Variants in DENND1A observed in about 807,000 individuals in gnomAD.
DENND1A encodes DENN domain containing 1A, also known as DENN domain-containing protein 1A.
Under a neutral mutation model 113.7 loss-of-function variants are expected in DENND1A, and 51 were observed. The ratio of observed to expected loss-of-function variants is 0.45; its 90% confidence interval spans 0.36 to 0.57. DENND1A has a LOEUF of 0.57. DENND1A is among the 20% of genes least tolerant of loss of function. The pLI, the probability that DENND1A is intolerant of heterozygous loss-of-function variation, is 0.00. For missense variants in DENND1A, 1,258 were observed against 1,395.9 expected, an observed-to-expected ratio of 0.90 and a Z score of 1.57; for synonymous variants, 565 against 570.8, an observed-to-expected ratio of 0.99 and a Z score of 0.14.
rs1299810345 is a variant in DENND1A, at chr9:123,757,807, T to C, written c.198A>G (p.Gln66=). The change falls in exon 5 of 24, where the codon CAA becomes CAG. Residue 66 remains glutamine (Q), a synonymous_variant. Coordinates refer to ENST00000394215, the MANE Select transcript of DENND1A (RefSeq NM_001352964.2). ...PFYVDSLTVS[Q]VGQNFTFVLT... ...GCACGAATGTGAAGTTCTGGCCAACTTGGCTAACTGTGAGGCTGCAGCAAA... is the reference window on the plus strand; with the variant it reads ...GCACGAATGTGAAGTTCTGGCCAACCTGGCTAACTGTGAGGCTGCAGCAAA... The C allele has an allele frequency of 3.1e-6, 5 of 1,613,792 alleles. No individual in the cohort carries two copies. The highest frequency in any genetic ancestry group is 2.7e-5 in the African/African-American group (2 of 74,884).
intron 13 of DENND1A, among the ~76,000 whole-genome samples, chr9:123,479,781 C>T (rs931351899): frequency 1.1e-4 from 16 of 152,362 alleles, no homozygotes; most frequent in South Asian, 2.1e-4. Context: ...AAGGATCAAA[C>T]GAATCTTCCA....
chr9:123,684,395 A>T (rs981328304), intron 5 of DENND1A, among the ~76,000 whole-genome samples: 17 of 152,102 alleles, frequency 1.1e-4, no homozygotes, highest in Non-Finnish European at 2.5e-4. Context: ...TATACTTCTC[A>T]TTCCTTTCCC....
At chr9:123,561,774 C>T (rs2136135670) in intron 12 of DENND1A, among the ~76,000 whole-genome samples, 1 of 152,230 alleles carries the variant, frequency 6.6e-6, no homozygotes, top group South Asian at 2.1e-4. Context: ...GTCTAAGACG[C>T]CCTTTCCCCT....
At chr9:123,560,689 C>CA (rs202038661) in intron 12 of DENND1A, among the ~76,000 whole-genome samples, 43,794 of 110,326 alleles carry the variant, frequency 0.4, 7,154 homozygotes, top group African/African-American at 0.44. Flanking sequence ...GACCCTGTCT[C>CA]AAAAAAAAAA....
At chr9:123,698,284 G>A (rs2065653207) in intron 5 of DENND1A, among the ~76,000 whole-genome samples, 3 of 152,114 alleles carry the variant, frequency 2.0e-5, no homozygotes, top group South Asian at 2.1e-4. Flanking sequence ...TTAGAAAACC[G>A]GAGCTCAAAA....
At chr9:123,539,119 A>G (rs961114834) in intron 13 of DENND1A, among the ~76,000 whole-genome samples, 1 of 152,122 alleles carries the variant, frequency 6.6e-6, no homozygotes, top group Non-Finnish European at 1.5e-5. Context: ...ATAAACAGAT[A>G]TAGATATTAA....
intron 21 of DENND1A, chr9:123,402,424 A>T: frequency 2.0e-6 from 1 of 492,992 alleles, no homozygotes; most frequent in Non-Finnish European, 4.2e-6. Flanking sequence ...GCTCGAAATC[A>T]TTTTTTTTCC....
At chr9:123,647,750 A>G (rs1376858939) in intron 9 of DENND1A, among the ~76,000 whole-genome samples, 1 of 152,150 alleles carries the variant, frequency 6.6e-6, no homozygotes, top group East Asian at 1.9e-4. Flanking sequence ...ATTTTCATTG[A>G]TCCGATCGAT....
chr9:123,904,873 C>T (rs1852457115), intron 1 of DENND1A, among the ~76,000 whole-genome samples: 1 of 152,084 alleles, frequency 6.6e-6, no homozygotes, highest in African/African-American at 2.4e-5. Context: ...ACAGATACTC[C>T]TTGAGAAGAG....
At chr9:123,459,634 C>T (rs1428796592) in intron 13 of DENND1A, among the ~76,000 whole-genome samples, 1 of 151,882 alleles carries the variant, frequency 6.6e-6, no homozygotes. Context: ...TCTTTAATTT[C>T]AGCGGTGTAT....
chr9:123,608,802 G>A (rs1351472619), intron 11 of DENND1A, among the ~76,000 whole-genome samples: 1 of 152,168 alleles, frequency 6.6e-6, no homozygotes, highest in African/African-American at 2.4e-5. Context: ...AAACAGTTAC[G>A]TTGTGGTATA....
intron 13 of DENND1A, among the ~76,000 whole-genome samples, chr9:123,465,397 T>C (rs2048865810): frequency 6.7e-6 from 1 of 148,200 alleles, no homozygotes; most frequent in African/African-American, 2.5e-5. Context: ...TGACACAACA[T>C]GGTGGAGTGA....
At chr9:123,749,538 T>A (rs1444061901) in intron 5 of DENND1A, among the ~76,000 whole-genome samples, 1 of 152,234 alleles carries the variant, frequency 6.6e-6, no homozygotes, top group Non-Finnish European at 1.5e-5. Flanking sequence ...ACAATGGAGA[T>A]AATTTCATAA....
chr9:123,879,137 C>T, intron 1 of DENND1A, 116 bp from the exon 2 acceptor site: 1 of 990,136 alleles, frequency 1.0e-6, no homozygotes, highest in Non-Finnish European at 1.5e-6. Context: ...AACTTAATGG[C>T]CGTGGAACTT....
intron 5 of DENND1A, among the ~76,000 whole-genome samples, chr9:123,742,092 A>G (rs770399678): frequency 3.3e-5 from 5 of 152,216 alleles, no homozygotes; most frequent in Non-Finnish European, 7.3e-5. Flanking sequence ...TAGCGCCCCA[A>G]CGCTGTTTGT....
chr9:123,564,405 C>A (rs1302547390), intron 12 of DENND1A, among the ~76,000 whole-genome samples: 3 of 152,248 alleles, frequency 2.0e-5, no homozygotes, highest in Non-Finnish European at 2.9e-5. Context: ...AAGACTAAAG[C>A]CCTAGCCTGG....
chr9:123,713,259 C>T (rs1416267511), intron 5 of DENND1A, among the ~76,000 whole-genome samples: 7 of 152,188 alleles, frequency 4.6e-5, no homozygotes, highest in Admixed American at 3.3e-4. Flanking sequence ...CCAAATCAAA[C>T]GGTACAGCAT....
intron 2 of DENND1A, among the ~76,000 whole-genome samples, chr9:123,851,751 G>A (rs1843394932): frequency 6.6e-6 from 1 of 152,180 alleles, no homozygotes; most frequent in South Asian, 2.1e-4. Context: ...GTTTTTAAGA[G>A]GCTCCTACGG....
At chr9:123,574,427 C>G (rs2058526622) in intron 12 of DENND1A, among the ~76,000 whole-genome samples, 1 of 152,016 alleles carries the variant, frequency 6.6e-6, no homozygotes, top group Non-Finnish European at 1.5e-5. Flanking sequence ...TTTTCTATTT[C>G]TTCTTGAGTC....
Sources: allele counts gnomAD v4.1 joint callset (sites outside exome capture counted in the v4.1 genomes callset), GRCh38; gene constraint gnomAD v4.1.1; transcripts MANE v1.5; gene names NCBI Gene and HGNC (gene_info 2026-07-23, HGNC 2026-07-21).